Variants in USP32 observed in about 807,000 individuals in gnomAD.
USP32 encodes ubiquitin carboxyl-terminal hydrolase 32.
In USP32, 59 loss-of-function variants were observed where a neutral mutation model predicts 204.8. The observed-to-expected ratio is 0.29, with a 90% CI of 0.23 to 0.36. USP32 has a LOEUF of 0.36. USP32 is among the 10% of genes least tolerant of loss of function. The pLI, the probability that USP32 is intolerant of heterozygous loss-of-function variation, is 1.00. For synonymous variants in USP32, 517 were observed against 678.4 expected (o/e 0.76, Z 3.70); for missense variants, 1,160 against 1,946.4 (o/e 0.60, Z 7.60).
chr17:60,290,878 G>A (rs57758997), intron 4 of USP32, among the ~76,000 whole-genome samples: 5,300 of 152,212 alleles, frequency 0.035, 317 homozygotes, highest in African/African-American at 0.12. Flanking sequence ...AAGATGTCTA[G>A]GGGTCAGTTT....
intron 1 of USP32, among the ~76,000 whole-genome samples, chr17:60,416,364 A>C (rs899365860): frequency 1.1e-4 from 17 of 152,280 alleles, no homozygotes; most frequent in African/African-American, 4.1e-4. Context: ...ATGGAGGTAA[A>C]GCATGATGAT....
chr17:60,244,736 A>G (rs916185383), intron 11 of USP32, among the ~76,000 whole-genome samples: 2 of 152,134 alleles, frequency 1.3e-5, no homozygotes, highest in African/African-American at 4.8e-5. Context: ...GGTTCAAGTG[A>G]TTCTCCCACC....
chr17:60,416,189 T>A (rs2090060761), intron 1 of USP32, among the ~76,000 whole-genome samples: 1 of 152,136 alleles, frequency 6.6e-6, no homozygotes, highest in South Asian at 2.1e-4. Flanking sequence ...TTCTTTAGGG[T>A]AATACAAGGA....
In USP32 at chr17:60,212,042, T is replaced by C. The variant is rs1190969213; in HGVS notation, c.2161A>G (p.Lys721Glu). The C allele has an allele frequency of 5.0e-6, 8 of 1,601,648 alleles. No individual in the cohort carries two copies. Among genetic ancestry groups the C allele is most frequent in the South Asian group, 1.1e-5 (1 of 89,672 alleles). The part of the protein sequence containing the change: ...EEMSFIANSS[K>E]IDRHKVPTEK... ...GACTTACCCTTGTGTCTATCTATTT[T>C]ACTACTATTTGCTATAAAAGACATC... Residue 721 changes from lysine to glutamate, a missense_variant, in exon 19 of 34, where the codon AAA becomes GAA. Physicochemically the swap from Lys to Glu is moderately conservative, Grantham distance 56. Coordinates refer to ENST00000300896, the MANE Select transcript of USP32 (RefSeq NM_032582.4).
chr17:60,224,435 G>A (rs1317950473), intron 13 of USP32, among the ~76,000 whole-genome samples: 7 of 152,212 alleles, frequency 4.6e-5, no homozygotes, highest in Non-Finnish European at 1.0e-4. Context: ...GAAAATGCTA[G>A]CTCTGTCCAA....
chr17:60,255,999 TATAGATCA>T (rs2086292848), intron 9 of USP32, among the ~76,000 whole-genome samples: 1 of 152,102 alleles, frequency 6.6e-6, no homozygotes. Context: ...CACTGAAGTG[TATAGATCA>T]ACTGTCTTAT....
At chr17:60,333,101 G>T (rs1181628486) in intron 2 of USP32, among the ~76,000 whole-genome samples, 3 of 152,158 alleles carry the variant, frequency 2.0e-5, no homozygotes, top group Non-Finnish European at 4.4e-5. Context: ...TTCAATTACA[G>T]TTGACCCTTG....
intron 11 of USP32, chr17:60,249,607 C>G: frequency 3.3e-6 from 2 of 607,458 alleles, no homozygotes; most frequent in Non-Finnish European, 2.9e-6. Flanking sequence ...ATCAGACTGA[C>G]AGCCCATGCA....
At chr17:60,216,925 C>T (rs2085118423) in intron 16 of USP32, among the ~76,000 whole-genome samples, 1 of 151,936 alleles carries the variant, frequency 6.6e-6, no homozygotes, top group African/African-American at 2.4e-5. Flanking sequence ...AGCAAGAAAG[C>T]ATATTTTTAT....
At chr17:60,387,612 A>T (rs2089753101) in intron 1 of USP32, among the ~76,000 whole-genome samples, 1 of 152,174 alleles carries the variant, frequency 6.6e-6, no homozygotes, top group South Asian at 2.1e-4. Context: ...CTATAAACAG[A>T]ATTTCTAGTA....
At chr17:60,189,046 G>T (rs1182570719) in intron 29 of USP32, among the ~76,000 whole-genome samples, 2 of 152,246 alleles carry the variant, frequency 1.3e-5, no homozygotes, top group Admixed American at 1.3e-4. Flanking sequence ...AAGGGGAAGA[G>T]ATTTATAGAG....
chr17:60,264,692 ACT>A (rs1343693985), intron 9 of USP32, among the ~76,000 whole-genome samples: 2 of 150,966 alleles, frequency 1.3e-5, no homozygotes, highest in South Asian at 4.2e-4. Flanking sequence ...CCCCATCTCT[ACT>A]CTAAAAATAC....
chr17:60,235,690 T>C (rs531443798), intron 12 of USP32, among the ~76,000 whole-genome samples: 2 of 152,338 alleles, frequency 1.3e-5, no homozygotes, highest in Non-Finnish European at 2.9e-5. Context: ...TAAAGGACAA[T>C]GTAAATGATG....
chr17:60,350,013 T>C (rs1187146510), intron 1 of USP32, among the ~76,000 whole-genome samples: 1 of 151,224 alleles, frequency 6.6e-6, no homozygotes, highest in Non-Finnish European at 1.5e-5. Flanking sequence ...TTGTTGGTTT[T>C]TGTTTTTTTT....
intron 1 of USP32, among the ~76,000 whole-genome samples, chr17:60,369,692 G>A (rs937511958): frequency 6.6e-6 from 1 of 152,016 alleles, no homozygotes; most frequent in Non-Finnish European, 1.5e-5. Flanking sequence ...GAAAATACTT[G>A]CAGCAAATTA....
chr17:60,370,553 AAGTTCAAG>A (rs1567880311), intron 1 of USP32, among the ~76,000 whole-genome samples: 1 of 151,768 alleles, frequency 6.6e-6, no homozygotes, highest in Non-Finnish European at 1.5e-5. Flanking sequence ...TTGAGGTCAG[AAGTTCAAG>A]ACCAGCATGG....
At chr17:60,218,331 C>T (rs1037630797) in intron 16 of USP32, among the ~76,000 whole-genome samples, 18 of 152,032 alleles carry the variant, frequency 1.2e-4, no homozygotes, top group African/African-American at 4.3e-4. Flanking sequence ...TTGCAGTGAG[C>T]CGAGATCGTG....
chr17:60,236,082 G>T, intron 12 of USP32, 56 bp downstream of exon 12: 1 of 1,386,458 alleles, frequency 7.2e-7, no homozygotes, highest in Non-Finnish European at 1.0e-6. Flanking sequence ...TTGGCTGGAA[G>T]TCTCACGCAG....
intron 2 of USP32, among the ~76,000 whole-genome samples, chr17:60,302,776 A>G (rs888248863): frequency 7.9e-5 from 12 of 152,224 alleles, no homozygotes; most frequent in Non-Finnish European, 4.4e-5. Context: ...TCTCTAACTG[A>G]ATGTTCAGAA....
Sources: allele counts gnomAD v4.1 joint callset (sites outside exome capture counted in the v4.1 genomes callset), GRCh38; gene constraint gnomAD v4.1.1; transcripts MANE v1.5; gene names NCBI Gene and HGNC (gene_info 2026-07-23, HGNC 2026-07-21).